The following XKR6 variants were observed in gnomAD, a reference collection of about 807,000 sequenced individuals.
The protein encoded by XKR6 is XK-related protein 6.
A neutral mutation model predicts 56.7 loss-of-function variants in XKR6; 22 were observed. That is an observed-to-expected ratio of 0.39 (90% CI 0.28 to 0.55). The LOEUF is 0.55. XKR6 is among the 20% of genes least tolerant of loss of function. The probability of loss-of-function intolerance (pLI) is 0.66; values close to 1 mark genes in which losing one functional copy is unlikely to be tolerated. For synonymous variants in XKR6, 524 were observed against 387.8 expected, an observed-to-expected ratio of 1.35 and a Z score of -4.13; for missense variants, 852 against 889.0, an observed-to-expected ratio of 0.96 and a Z score of 0.53.
chr8:11,066,524 C>T (rs1298047507), intron 1 of XKR6, among the ~76,000 whole-genome samples: 1 of 152,206 alleles, frequency 6.6e-6, no homozygotes, highest in Non-Finnish European at 1.5e-5. Flanking sequence ...TTGGTTTTCA[C>T]ATTTATCCAA....
At chr8:10,919,266 C>T (rs961741291) in intron 2 of XKR6, among the ~76,000 whole-genome samples, 2 of 152,208 alleles carry the variant, frequency 1.3e-5, no homozygotes, top group African/African-American at 2.4e-5. Flanking sequence ...GGTTCCTGCT[C>T]ATCATTTGTA....
At chr8:11,080,272 C>T (rs940935437) in intron 1 of XKR6, among the ~76,000 whole-genome samples, 1 of 152,078 alleles carries the variant, frequency 6.6e-6, no homozygotes, top group Non-Finnish European at 1.5e-5. Flanking sequence ...CAAACGAACA[C>T]AGAGAGATCT....
intron 1 of XKR6, among the ~76,000 whole-genome samples, chr8:11,059,128 C>A (rs1306889699): frequency 6.6e-6 from 1 of 152,174 alleles, no homozygotes; most frequent in Non-Finnish European, 1.5e-5. Flanking sequence ...GCTTTTCAGG[C>A]CCAGCATCCC....
chr8:10,953,362 G>A (rs542151401), intron 1 of XKR6, among the ~76,000 whole-genome samples: 1 of 152,162 alleles, frequency 6.6e-6, no homozygotes, highest in South Asian at 2.1e-4. Context: ...TCTTGCTCCT[G>A]CTCCCACCAT....
chr8:11,134,401 G>T (rs1315637951), intron 1 of XKR6, among the ~76,000 whole-genome samples: 2 of 152,134 alleles, frequency 1.3e-5, no homozygotes, highest in Non-Finnish European at 2.9e-5. Context: ...AGGATACAGA[G>T]AAAAGGGTAG....
intron 1 of XKR6, among the ~76,000 whole-genome samples, chr8:10,925,952 G>C (rs1277458238): frequency 6.6e-6 from 1 of 152,128 alleles, no homozygotes; most frequent in Admixed American, 6.5e-5. Flanking sequence ...GGGCCACAGT[G>C]CACAGCTCTG....
At chr8:11,188,778 C>G (rs1428296263) in intron 1 of XKR6, among the ~76,000 whole-genome samples, 2 of 152,188 alleles carry the variant, frequency 1.3e-5, no homozygotes, top group African/African-American at 4.8e-5. Context: ...CTAACCCTCC[C>G]TGCCCTGTGC....
chr8:10,963,231 T>TGTCG (rs1802118185), intron 1 of XKR6, among the ~76,000 whole-genome samples: 1 of 152,266 alleles, frequency 6.6e-6, no homozygotes, highest in South Asian at 2.1e-4. Context: ...CACCGGCAGC[T>TGTCG]GTCGGCTCTG....
intron 2 of XKR6, among the ~76,000 whole-genome samples, chr8:10,923,610 G>T (rs1032044514): frequency 3.3e-5 from 5 of 152,244 alleles, no homozygotes; most frequent in African/African-American, 9.6e-5. Context: ...GAAAAAGTAA[G>T]GAGGCACATC....
intron 1 of XKR6, among the ~76,000 whole-genome samples, chr8:10,946,158 C>G (rs934796139): frequency 2.0e-5 from 3 of 152,114 alleles, no homozygotes; most frequent in African/African-American, 7.2e-5. Context: ...CTGCAGGTTT[C>G]TCACAATCTG....
chr8:11,069,810 G>C (rs576264718), intron 1 of XKR6, among the ~76,000 whole-genome samples: 2 of 152,180 alleles, frequency 1.3e-5, no homozygotes, highest in African/African-American at 4.8e-5. Context: ...TGTAGCATGC[G>C]GCGTGGCCCA....
intron 1 of XKR6, among the ~76,000 whole-genome samples, chr8:11,179,277 G>A (rs182409895): frequency 9.2e-5 from 14 of 152,224 alleles, no homozygotes; most frequent in Admixed American, 7.8e-4. Flanking sequence ...TGTCACACAC[G>A]TAGATTCCTT....
At chr8:11,140,998 AT>A (rs1219863497) in intron 1 of XKR6, among the ~76,000 whole-genome samples, 1 of 152,116 alleles carries the variant, frequency 6.6e-6, no homozygotes, top group Non-Finnish European at 1.5e-5. Flanking sequence ...TGCTGTGAGT[AT>A]AAACTGATTA....
chr8:11,187,171 C>G (rs1455719115), intron 1 of XKR6, among the ~76,000 whole-genome samples: 1 of 152,140 alleles, frequency 6.6e-6, no homozygotes, highest in African/African-American at 2.4e-5. Context: ...GTGTGTTGTT[C>G]AAATACCAAT....
chr8:10,911,544 T>C (rs900032656), intron 2 of XKR6, among the ~76,000 whole-genome samples: 7 of 147,276 alleles, frequency 4.8e-5, no homozygotes, highest in African/African-American at 1.8e-4. Context: ...GGTGAATATA[T>C]ATATATAGAG....
intron 1 of XKR6, among the ~76,000 whole-genome samples, chr8:11,155,588 G>C (rs182423426): frequency 3.3e-5 from 5 of 152,304 alleles, no homozygotes; most frequent in African/African-American, 1.2e-4. Context: ...ACAGCTGTTT[G>C]TTTTATATAC....
intron 1 of XKR6, among the ~76,000 whole-genome samples, chr8:11,172,267 G>A (rs938361561): frequency 1.3e-5 from 2 of 152,254 alleles, no homozygotes; most frequent in African/African-American, 2.4e-5. Context: ...CTACTCGGGA[G>A]GCTGAGGTAG....
intron 2 of XKR6, among the ~76,000 whole-genome samples, chr8:10,906,376 A>C (rs1460314832): frequency 6.6e-6 from 1 of 152,118 alleles, no homozygotes; most frequent in Non-Finnish European, 1.5e-5. Flanking sequence ...TTCAGTGCCT[A>C]CTCTACATTC....
intron 1 of XKR6, among the ~76,000 whole-genome samples, chr8:11,020,903 A>G (rs1209066009): frequency 6.6e-6 from 1 of 152,140 alleles, no homozygotes; most frequent in African/African-American, 2.4e-5. Context: ...TGATGATCAG[A>G]GAGTCAGTAT....
Sources: gnomAD v4.1 joint callset for allele counts (sites outside exome capture counted in the v4.1 genomes callset) on GRCh38, gnomAD v4.1.1 for gene constraint, MANE v1.5 for transcripts, NCBI Gene and HGNC (gene_info 2026-07-23, HGNC 2026-07-21) for gene names.